The following WDTC1 variants were observed in gnomAD, a reference collection of about 807,000 sequenced individuals.
WDTC1 encodes the protein WD and tetratricopeptide repeats protein 1.
Under a neutral mutation model 76.0 loss-of-function variants are expected in WDTC1, and 12 were observed. That is an observed-to-expected ratio of 0.16 (90% CI 0.10 to 0.26). WDTC1 has a LOEUF of 0.26. WDTC1 is among the 10% of genes least tolerant of loss of function. The pLI is 1.00. For missense variants in WDTC1, 511 were observed against 908.8 expected (o/e 0.56, Z 5.63); for synonymous variants, 326 against 350.8 (o/e 0.93, Z 0.79).
intron 3 of WDTC1, among the ~76,000 whole-genome samples, chr1:27,269,762 C>T (rs1046411198): frequency 4.0e-5 from 6 of 151,388 alleles, no homozygotes; most frequent in African/African-American, 1.5e-4. Flanking sequence ...CAGGTGTGCA[C>T]CACCACTCCT....
chr1:27,243,603 CT>C (rs1242868980), intron 1 of WDTC1, among the ~76,000 whole-genome samples: 1 of 152,120 alleles, frequency 6.6e-6, no homozygotes, highest in Non-Finnish European at 1.5e-5. Context: ...GCTTTGGCAA[CT>C]TCACTTTTCT....
intron 13 of WDTC1, among the ~76,000 whole-genome samples, chr1:27,302,402 G>C (rs768081501): frequency 6.6e-6 from 1 of 152,074 alleles, no homozygotes; most frequent in Non-Finnish European, 1.5e-5. Context: ...TTTAAACTAA[G>C]ATCTAAAGGA....
At chr1:27,278,954 T>C (rs1474318373) in intron 3 of WDTC1, among the ~76,000 whole-genome samples, 3 of 152,068 alleles carry the variant, frequency 2.0e-5, no homozygotes, top group Non-Finnish European at 4.4e-5. Context: ...CCCCAGCTAC[T>C]TGAGAGACTG....
At chr1:27,234,442 G>T (rs2011440091), upstream of WDTC1, 3 of 239,956 alleles carry the variant, frequency 1.3e-5, no homozygotes, top group Non-Finnish European at 2.4e-5. Flanking sequence ...CATTGGCCAC[G>T]GCGGTGCGGG....
intron 1 of WDTC1, among the ~76,000 whole-genome samples, chr1:27,249,292 T>C (rs1019259810): frequency 2.0e-5 from 3 of 151,952 alleles, no homozygotes; most frequent in Admixed American, 1.3e-4. Flanking sequence ...CCATATCCTT[T>C]AGCTGTCACT....
intron 9 of WDTC1, 111 bp from the exon 10 acceptor site, chr1:27,296,215 A>T: frequency 8.0e-7 from 1 of 1,256,908 alleles, no homozygotes; most frequent in Non-Finnish European, 1.2e-6. Context: ...TATGCTCAAC[A>T]CTCACTGTGT....
chr1:27,257,759 TGTAAG>T (rs771473864), intron 1 of WDTC1, among the ~76,000 whole-genome samples: 1 of 152,102 alleles, frequency 6.6e-6, no homozygotes, highest in African/African-American at 2.4e-5. Flanking sequence ...GGTTTCATGT[TGTAAG>T]GGAAGGTTCT....
rs1252637449 is a variant in WDTC1, at chr1:27,282,231, T to TC, written c.133-3dup. 1.9e-6 allele frequency: 3 copies of TC among 1,613,224 alleles called. No individual in the cohort carries two copies. In the African/African-American group the frequency reaches 4.0e-5, roughly 22 times the overall value. ...ACTCTCTTCCTGTCTCTTCATTTGC[T>TC]CCCCCAGGGTCACTCAGGATGTGTC... is the stretch of plus-strand genomic sequence containing the variant. On this transcript the variant is annotated splice_polypyrimidine_tract_variant and splice_region_variant and intron_variant, in intron 3 of 15. Transcript: ENST00000319394.
In WDTC1 at chr1:27,301,974, C is replaced by T. The variant is rs1374913913; in HGVS notation, c.1468+513C>T. 6.6e-6 allele frequency among the ~76,000 whole-genome samples: 1 copy of T among 152,180 alleles called. No homozygotes were observed. The highest frequency in any genetic ancestry group is 2.4e-5 in the African/African-American group (1 of 41,440). On this transcript the variant is annotated intron_variant, in intron 13 of 15. Coordinates refer to ENST00000319394, the MANE Select transcript of WDTC1 (RefSeq NM_001276252.2). This position sits in a 1 kb window ranked among gnomAD's most constrained non-coding sequence, Gnocchi z 5.8. ...TGACTGTGTGGCCTTGAAGAAAGCA[C>T]AGCCTCTCTACCTACCTGCACAAAG...
intron 1 of WDTC1, among the ~76,000 whole-genome samples, chr1:27,244,892 C>T (rs2011764868): frequency 6.6e-6 from 1 of 152,246 alleles, no homozygotes; most frequent in Admixed American, 6.5e-5. Context: ...GTTTTAGGTT[C>T]CATCTCTGGT....
chr1:27,269,440 A>C (rs1045445352), intron 3 of WDTC1, among the ~76,000 whole-genome samples: 2 of 151,656 alleles, frequency 1.3e-5, no homozygotes, highest in African/African-American at 4.8e-5. Flanking sequence ...AATTAGTCAC[A>C]AAGTCCAAGT....
At position 27,306,097 on chromosome 1, in the gene WDTC1, T is replaced by G. The variant is rs763257942; in HGVS notation, c.1837-89T>G. The G allele has an allele frequency of 1.1e-5, 16 of 1,437,846 alleles. No homozygotes were observed. The highest frequency in any genetic ancestry group is 1.5e-5 in the Non-Finnish European group (16 of 1,036,744). The allele number at this position is 1,437,846 out of a possible 1,614,324, so 89.1% of individuals were successfully genotyped here. A position where few individuals can be genotyped will look rare whatever the true frequency, so the allele number is the denominator to read the frequency against. On this transcript the variant is annotated intron_variant, in intron 15 of 15. Coordinates refer to ENST00000319394, the MANE Select transcript of WDTC1 (RefSeq NM_001276252.2). The surrounding 1 kb of genome is among the most constrained non-coding windows in gnomAD (Gnocchi z 5.0). The stretch of plus-strand genomic sequence containing the variant: ...ACCTCCCCCTATAGATAGTTTAGTC[T>G]GTGTATTTCCCTCCCCCTCCCCTAT...
At chr1:27,288,503 T>C (rs1201544785) in intron 6 of WDTC1, among the ~76,000 whole-genome samples, 5 of 151,856 alleles carry the variant, frequency 3.3e-5, no homozygotes, top group African/African-American at 7.3e-5. Context: ...TGCGGCCCTC[T>C]GCAGTGTTTG....
chr1:27,259,990 T>G (rs1344294743), intron 1 of WDTC1, among the ~76,000 whole-genome samples: 1 of 152,090 alleles, frequency 6.6e-6, no homozygotes. Context: ...TGAGCCATGA[T>G]CATGCCACTG....
intron 1 of WDTC1, among the ~76,000 whole-genome samples, chr1:27,248,431 G>A (rs1024366736): frequency 6.6e-6 from 1 of 152,092 alleles, no homozygotes; most frequent in Non-Finnish European, 1.5e-5. Flanking sequence ...TCATATGCTT[G>A]TTGGCCACAT....
chr1:27,236,256 A>AC (rs2011488490), intron 1 of WDTC1, among the ~76,000 whole-genome samples: 2 of 152,308 alleles, frequency 1.3e-5, no homozygotes, highest in South Asian at 4.1e-4. Context: ...TCTGTAACAG[A>AC]CCAGGGAGTA....
chr1:27,251,992 G>A (rs1279909409), intron 1 of WDTC1, among the ~76,000 whole-genome samples: 1 of 151,974 alleles, frequency 6.6e-6, no homozygotes. Flanking sequence ...AGGTTGTAGT[G>A]AGCCAAGATC....
chr1:27,244,761 A>G (rs905216108), intron 1 of WDTC1, among the ~76,000 whole-genome samples: 2 of 152,208 alleles, frequency 1.3e-5, no homozygotes, highest in Middle Eastern at 3.2e-3. Context: ...AATAGAGTGA[A>G]AGGAAACTTG....
intron 3 of WDTC1, among the ~76,000 whole-genome samples, chr1:27,277,987 T>C (rs548660784): frequency 1.5e-3 from 221 of 152,146 alleles, no homozygotes; most frequent in African/African-American, 5.1e-3. Context: ...ATTACAGGCA[T>C]GCATGATGAC....
Sources: gnomAD v4.1 joint callset for allele counts (sites outside exome capture counted in the v4.1 genomes callset) on GRCh38, gnomAD v4.1.1 for gene constraint, Gnocchi (gnomAD v3.1) non-coding constraint, MANE v1.5 for transcripts, NCBI Gene and HGNC (gene_info 2026-07-23, HGNC 2026-07-21) for gene names.